ADGRL2: variants seen among roughly 807,000 people sequenced by gnomAD.
The protein encoded by ADGRL2 is calcium-independent alpha-latrotoxin receptor 2.
A neutral mutation model predicts 157.4 loss-of-function variants in ADGRL2; 44 were observed. The observed-to-expected ratio is 0.28, with a 90% CI of 0.22 to 0.36. ADGRL2 has a LOEUF of 0.36. Among genes scored for constraint, ADGRL2 ranks in the 10% least tolerant of loss-of-function variants. ADGRL2 has a pLI of 1.00. For synonymous variants in ADGRL2, 585 were observed against 624.7 expected (o/e 0.94, Z 0.95); for missense variants, 1,510 against 1,768.9 (o/e 0.85, Z 2.63).
intron 1 of ADGRL2, among the ~76,000 whole-genome samples, chr1:81,720,179 C>CTTTTTTTTTTTTTTTTTTTTTTTTTTTTT (rs370916970): frequency 7.2e-6 from 1 of 138,888 alleles, no homozygotes. Flanking sequence ...TCCTTTTTTT[C>CTTTTTTTTTTTTTTTTTTTTTTTTTTTTT]TTTTCTTTTT....
chr1:81,584,536 C>T (rs1019850206), intron 3 of ADGRL2, among the ~76,000 whole-genome samples: 7 of 151,946 alleles, frequency 4.6e-5, no homozygotes, highest in Non-Finnish European at 7.4e-5. Context: ...CAGCTACATC[C>T]GAATTGTTTT....
intron 1 of ADGRL2, among the ~76,000 whole-genome samples, chr1:81,310,339 G>T (rs1659660422): frequency 6.6e-6 from 1 of 152,144 alleles, no homozygotes; most frequent in African/African-American, 2.4e-5. Flanking sequence ...AATGTGAAAA[G>T]ATGAACTATT....
At chr1:81,336,305 T>C (rs772812132) in intron 1 of ADGRL2, among the ~76,000 whole-genome samples, 8 of 152,220 alleles carry the variant, frequency 5.3e-5, no homozygotes, top group Non-Finnish European at 7.3e-5. Flanking sequence ...ATTGTGATAC[T>C]AATCAAGGAT....
At chr1:81,615,591 G>A (rs375098871) in intron 3 of ADGRL2, among the ~76,000 whole-genome samples, 16 of 152,234 alleles carry the variant, frequency 1.1e-4, no homozygotes, top group South Asian at 6.2e-4. Flanking sequence ...AACACTCACC[G>A]CGAGGGTCTG....
At chr1:81,756,675 T>C (rs879567087) in intron 1 of ADGRL2, among the ~76,000 whole-genome samples, 1 of 152,228 alleles carries the variant, frequency 6.6e-6, no homozygotes, top group Non-Finnish European at 1.5e-5. Context: ...AGATGTTGTA[T>C]TTTGTTTCAT....
At chr1:81,941,188 T>A (rs971448375) in intron 4 of ADGRL2, among the ~76,000 whole-genome samples, 1 of 150,954 alleles carries the variant, frequency 6.6e-6, no homozygotes, top group Non-Finnish European at 1.5e-5. Context: ...TTACTTTTTT[T>A]ATAGACTTAG....
intron 1 of ADGRL2, among the ~76,000 whole-genome samples, chr1:81,325,528 A>G (rs4650366): frequency 0.59 from 90,147 of 152,026 alleles, 27,226 homozygotes; most frequent in African/African-American, 0.69. Flanking sequence ...CCAGAAGGGC[A>G]ATTGATTGCA....
chr1:81,655,817 ATG>A (rs10555079), intron 3 of ADGRL2, among the ~76,000 whole-genome samples: 92,527 of 151,312 alleles, frequency 0.61, 28,880 homozygotes, highest in East Asian at 0.72. Context: ...TATGGCTCTT[ATG>A]TGTGTGTGTG....
intron 3 of ADGRL2, among the ~76,000 whole-genome samples, chr1:81,682,103 A>ATGTGTGTGTGTGTGTGTGTGTGTG (rs57943530): frequency 2.7e-5 from 4 of 147,928 alleles, no homozygotes; most frequent in African/African-American, 1.0e-4. Context: ...ATACATATAT[A>ATGTGTGTGTGTGTGTGTGTGTGTG]TGTGTGTGTG....
chr1:81,510,590 C>T (rs1194357289), intron 2 of ADGRL2, among the ~76,000 whole-genome samples: 2 of 151,532 alleles, frequency 1.3e-5, no homozygotes, highest in South Asian at 2.1e-4. Context: ...TATGCATTGG[C>T]GATAATATTG....
chr1:81,908,996 T>A (rs2094647851), intron 3 of ADGRL2, among the ~76,000 whole-genome samples: 1 of 151,806 alleles, frequency 6.6e-6, no homozygotes, highest in South Asian at 2.1e-4. Flanking sequence ...TGCCTCAACC[T>A]CCTGAGTAGC....
chr1:81,485,017 G>A (rs1036763126), intron 2 of ADGRL2, among the ~76,000 whole-genome samples: 1 of 151,996 alleles, frequency 6.6e-6, no homozygotes, highest in Non-Finnish European at 1.5e-5. Flanking sequence ...AAAACTAAAA[G>A]TTTCATCCAA....
chr1:81,427,171 T>C, intron 1 of ADGRL2: 1 of 1,008,680 alleles, frequency 9.9e-7, no homozygotes, highest in Non-Finnish European at 1.6e-6. Context: ...GAGGAAACTT[T>C]CGAGGTGGTG....
chr1:81,839,124 T>C (rs1430842895), intron 2 of ADGRL2, among the ~76,000 whole-genome samples: 2 of 152,100 alleles, frequency 1.3e-5, no homozygotes, highest in African/African-American at 4.8e-5. Context: ...AAGGCAGATA[T>C]GAATTTAACC....
intron 2 of ADGRL2, among the ~76,000 whole-genome samples, chr1:81,509,368 A>G (rs566835599): frequency 6.6e-6 from 1 of 151,760 alleles, no homozygotes; most frequent in East Asian, 1.9e-4. Flanking sequence ...CCTAAGTGAT[A>G]TGGTAAAAAA....
chr1:81,329,116 ACTGT>A (rs1661102112), intron 1 of ADGRL2, among the ~76,000 whole-genome samples: 1 of 152,038 alleles, frequency 6.6e-6, no homozygotes, highest in Non-Finnish European at 1.5e-5. Context: ...CCATGTTCCC[ACTGT>A]CTAACTGCTC....
At chr1:81,902,121 A>G (rs1482277976) in intron 2 of ADGRL2, among the ~76,000 whole-genome samples, 1 of 152,164 alleles carries the variant, frequency 6.6e-6, no homozygotes, top group Middle Eastern at 3.2e-3. Flanking sequence ...GGTAGATTCA[A>G]AGATTTCCCG....
intron 2 of ADGRL2, among the ~76,000 whole-genome samples, chr1:81,491,529 A>ACT: frequency 6.6e-6 from 1 of 152,338 alleles, no homozygotes; most frequent in East Asian, 1.9e-4. Flanking sequence ...AATGTTAGAA[A>ACT]GAGTTACTTT....
Position 81,922,047 on chromosome 1 carries a change from A to C in ADGRL2, c.288-14681A>C, listed in dbSNP as rs74966207. Among the ~76,000 whole-genome samples the C allele has an allele frequency of 1.6e-3, 242 of 152,296 alleles. 11 individuals are homozygous for C. The East Asian group carries it at 0.044, about 28-fold the overall frequency. On this transcript the variant is annotated intron_variant, in intron 3 of 23. Coordinates refer to ENST00000686636, the MANE Select transcript of ADGRL2 (RefSeq NM_001366006.2). ...AGTGCATATGATTCAGAGACTCTTAAAACAGTGACTAACCCCTCAAAGGCT... is the reference window on the plus strand; with the variant it reads ...AGTGCATATGATTCAGAGACTCTTACAACAGTGACTAACCCCTCAAAGGCT...
Sources: allele counts gnomAD v4.1 joint callset (sites outside exome capture counted in the v4.1 genomes callset), GRCh38; gene constraint gnomAD v4.1.1; transcripts MANE v1.5; gene names NCBI Gene and HGNC (gene_info 2026-07-23, HGNC 2026-07-21).